ITPR2: variants seen among roughly 807,000 people sequenced by gnomAD.
ITPR2 encodes inositol 1,4,5-trisphosphate receptor type 2.
ITPR2 carries 207 observed loss-of-function variants against 317.1 expected under a neutral mutation model. That is an observed-to-expected ratio of 0.65 (90% CI 0.58 to 0.73). The LOEUF (loss-of-function observed/expected upper bound fraction) is 0.73. Ranked by LOEUF, ITPR2 falls within the 30% of genes least tolerant of loss-of-function variation. The probability of loss-of-function intolerance (pLI) is 0.00; values close to 1 mark genes in which losing one functional copy is unlikely to be tolerated. For missense variants in ITPR2, 2,613 were observed against 3,284.0 expected (o/e 0.80, Z 4.99); for synonymous variants, 1,156 against 1,149.1 (o/e 1.01, Z -0.12).
chr12:26,354,293 C>T (rs1425543077), intron 55 of ITPR2, among the ~76,000 whole-genome samples: 1 of 151,874 alleles, frequency 6.6e-6, no homozygotes, highest in African/African-American at 2.4e-5. Context: ...TAATAAAATC[C>T]GTTTTGGTAA....
chr12:26,702,324 G>T (rs1238484811), intron 9 of ITPR2, among the ~76,000 whole-genome samples: 1 of 119,314 alleles, frequency 8.4e-6, no homozygotes. Flanking sequence ...TCTTTATCTT[G>T]TTCATAATTA....
At position 26,400,295 on chromosome 12, in the gene ITPR2, T is replaced by C. The variant is rs560985104; in HGVS notation, c.7400-37A>G. Reference sequence around the variant, plus strand: ...CATACAAATATATGATATAAAATTATGTAAAAATATATAAAATAAAATACA... The same window carrying C: ...CATACAAATATATGATATAAAATTACGTAAAAATATATAAAATAAAATACA... On this transcript the variant is annotated intron_variant, in intron 52 of 56. Transcript: ENST00000381340. The C allele has an allele frequency of 2.5e-4, 306 of 1,236,020 alleles. 10 individuals are homozygous for C. The South Asian group carries it at 6.0e-3, about 24-fold the overall frequency. The allele number at this position is 1,236,020 out of a possible 1,614,324, so 76.6% of individuals were successfully genotyped here. A position where few individuals can be genotyped will look rare whatever the true frequency, so the allele number is the denominator to read the frequency against.
Position 26,427,964 on chromosome 12 carries a change from TG to T in ITPR2, c.6893del (p.Ser2298Ter). 1 of 1,612,502 alleles carries T rather than the reference TG, an allele frequency of 6.2e-7. No homozygotes were observed. Among genetic ancestry groups the T allele is most frequent in the Non-Finnish European group, 8.5e-7 (1 of 1,179,196 alleles). On this transcript the variant is annotated frameshift_variant, in exon 49 of 57. Transcript: ENST00000381340. LOFTEE classifies it high-confidence loss of function. The part of the protein sequence containing the change: ...RPFLVSIMLR[S>X]IYTIGLGPTL... ...TAGGCCCAAGACCTATTGTATATAT[TG>T]ATCTGAGCATTATTGATACAAGAAA...
At chr12:26,448,016 C>A (rs201337034) in intron 45 of ITPR2, among the ~76,000 whole-genome samples, 14 of 91,734 alleles carry the variant, frequency 1.5e-4, no homozygotes, top group South Asian at 3.3e-4. Flanking sequence ...AAAAAAAAAA[C>A]CCAGCATCCA....
At chr12:26,361,074 G>A (rs922329794) in intron 55 of ITPR2, among the ~76,000 whole-genome samples, 1 of 152,046 alleles carries the variant, frequency 6.6e-6, no homozygotes. Flanking sequence ...AATTAGCTGG[G>A]CATGGTAGCG....
At chr12:26,646,187 A>T (rs565036219) in intron 21 of ITPR2, among the ~76,000 whole-genome samples, 1 of 152,282 alleles carries the variant, frequency 6.6e-6, no homozygotes, top group East Asian at 1.9e-4. Flanking sequence ...CTAATCTTCA[A>T]ATAATCAGTT....
At chr12:26,556,144 C>A in intron 36 of ITPR2, 89 bp downstream of exon 36, 1 of 1,287,888 alleles carries the variant, frequency 7.8e-7, no homozygotes, top group Non-Finnish European at 1.1e-6. Context: ...TGCGGACTGT[C>A]ATTTTATATC....
At chr12:26,494,094 G>A (rs997865785) in intron 39 of ITPR2, 59 bp downstream of exon 39, 2 of 1,326,752 alleles carry the variant, frequency 1.5e-6, no homozygotes, top group East Asian at 2.6e-5. Context: ...TGGTTTCTGT[G>A]ACAAGTAAAC....
At chr12:26,382,745 C>T (rs1183748872) in intron 55 of ITPR2, among the ~76,000 whole-genome samples, 1 of 152,100 alleles carries the variant, frequency 6.6e-6, no homozygotes, top group Admixed American at 6.6e-5. Flanking sequence ...GACCCCGATC[C>T]TATTATTGGA....
chr12:26,487,323 C>T, intron 39 of ITPR2, 72 bp from the exon 40 acceptor site: 1 of 1,122,214 alleles, frequency 8.9e-7, no homozygotes, highest in Non-Finnish European at 1.3e-6. Flanking sequence ...TTGAACTAAA[C>T]ATAAGCATTA....
chr12:26,360,371 C>T (rs572456533), intron 55 of ITPR2, among the ~76,000 whole-genome samples: 61 of 152,280 alleles, frequency 4.0e-4, no homozygotes, highest in Admixed American at 3.5e-3. Flanking sequence ...CTTCGAGGTC[C>T]GCTGTTTTGC....
chr12:26,571,241 G>A (rs1335506868), intron 34 of ITPR2, among the ~76,000 whole-genome samples: 2 of 152,122 alleles, frequency 1.3e-5, no homozygotes, highest in African/African-American at 2.4e-5. Context: ...ACAATTGATC[G>A]TGGCTTCAGT....
In ITPR2 at chr12:26,337,545, A is replaced by G. The variant is rs898848066; in HGVS notation, c.*1852T>C. ...TTTGATTTTGGGAAAGCCATTTTAAACAAACAAATATGTGGTATCATTTAA... is the reference window on the plus strand; with the variant it reads ...TTTGATTTTGGGAAAGCCATTTTAAGCAAACAAATATGTGGTATCATTTAA... On this transcript the variant is annotated 3_prime_UTR_variant, in exon 57 of 57. Transcript: ENST00000381340. 2 of 152,224 alleles carry G rather than the reference A, an allele frequency of 1.3e-5. No individual in the cohort carries two copies. The highest frequency in any genetic ancestry group is 6.5e-5 in the Admixed American group (1 of 15,276). 9.4% of individuals were successfully genotyped at this position (152,224 alleles called of 1,614,324 possible).
chr12:26,794,129 A>G (rs904584684), intron 1 of ITPR2, among the ~76,000 whole-genome samples: 3 of 152,202 alleles, frequency 2.0e-5, no homozygotes, highest in Admixed American at 1.3e-4. Flanking sequence ...CAAGAAAAAA[A>G]TCACTCAACA....
At chr12:26,607,152 C>G (rs1346846671) in intron 26 of ITPR2, among the ~76,000 whole-genome samples, 2 of 152,164 alleles carry the variant, frequency 1.3e-5, no homozygotes, top group African/African-American at 4.8e-5. Context: ...GCCAAGTTAG[C>G]AAGACTGCAA....
chr12:26,561,519 T>G (rs1334582470), intron 35 of ITPR2, among the ~76,000 whole-genome samples: 1 of 152,166 alleles, frequency 6.6e-6, no homozygotes. Flanking sequence ...TATTTTGATA[T>G]TAAGACCCAC....
At chr12:26,606,665 C>G (rs1203789403) in intron 26 of ITPR2, among the ~76,000 whole-genome samples, 1 of 151,550 alleles carries the variant, frequency 6.6e-6, no homozygotes, top group African/African-American at 2.4e-5. Context: ...GGTATGATAA[C>G]TCATGCCTAT....
rs567067688 is a variant in ITPR2 at position 26,477,350 on chromosome 12, T to TA, written c.6124-344dup. Among the ~76,000 whole-genome samples the TA allele has an allele frequency of 9.3e-3, 1,389 of 150,014 alleles. 12 individuals are homozygous for TA. Among genetic ancestry groups the TA allele is most frequent in the African/African-American group, 0.019 (760 of 40,926 alleles). ...TAGGCATTTCATAATGATGTTTTAATAAAAAAAAAGGTGAACAGGTATCAG... is the reference window on the plus strand; with the variant it reads ...TAGGCATTTCATAATGATGTTTTAATAAAAAAAAAAGGTGAACAGGTATCAG... On this transcript the variant is annotated intron_variant, in intron 43 of 56. Coordinates refer to ENST00000381340, the MANE Select transcript of ITPR2 (RefSeq NM_002223.4).
intron 48 of ITPR2, among the ~76,000 whole-genome samples, chr12:26,431,088 T>TA (rs1941194190): frequency 6.6e-6 from 1 of 152,194 alleles, no homozygotes; most frequent in Non-Finnish European, 1.5e-5. Context: ...ACAAAGATTG[T>TA]AAAATCTTTT....
Sources: gnomAD v4.1 joint callset for allele counts (sites outside exome capture counted in the v4.1 genomes callset) on GRCh38, gnomAD v4.1.1 for gene constraint, MANE v1.5 for transcripts, NCBI Gene and HGNC (gene_info 2026-07-23, HGNC 2026-07-21) for gene names.